The following PTGER3 variants were observed in gnomAD, a reference collection of about 807,000 sequenced individuals.
The protein encoded by PTGER3 is prostaglandin E receptor 3, also known as prostaglandin E2 receptor EP3 subtype.
Under a neutral mutation model 34.7 loss-of-function variants are expected in PTGER3, and 22 were observed. The observed-to-expected ratio is 0.63, with a 90% CI of 0.45 to 0.91. The LOEUF is 0.91. Among genes scored for constraint, PTGER3 ranks in the 40% least tolerant of loss-of-function variants. The pLI is 0.00. For missense variants in PTGER3, 468 were observed against 519.4 expected (o/e 0.90, Z 0.96); for synonymous variants, 241 against 230.1 (o/e 1.05, Z -0.43).
At position 70,875,101 on chromosome 1, in the gene PTGER3, G is replaced by T. The variant is rs551651413; in HGVS notation, c.*24-22242C>A. Among the ~76,000 whole-genome samples, 165 of 152,172 alleles carry T rather than the reference G, an allele frequency of 1.1e-3. 1 individual carries two copies. The highest frequency in any genetic ancestry group is 3.8e-3 in the African/African-American group (158 of 41,524). ...TTTTAAACCTCATTCCAATAATTTG[G>T]CCTAAGATGTTGGCACAGAAATACT... On this transcript the variant is annotated intron_variant, in intron 4 of 4. Coordinates refer to the PTGER3 transcript ENST00000370931.
intron 4 of PTGER3, among the ~76,000 whole-genome samples, chr1:70,926,124 G>A (rs1007978810): frequency 2.6e-5 from 4 of 152,172 alleles, no homozygotes; most frequent in African/African-American, 4.8e-5. Flanking sequence ...GAGATGTTGA[G>A]CTTCTGACCC....
At chr1:71,007,534 C>T (rs924807561) in intron 2 of PTGER3, 8 of 985,196 alleles carry the variant, frequency 8.1e-6, no homozygotes, top group African/African-American at 1.7e-5. Flanking sequence ...GCTTCCAGGG[C>T]CTGGCACAAA....
intron 2 of PTGER3, among the ~76,000 whole-genome samples, chr1:70,987,659 G>A (rs1655049566): frequency 6.6e-6 from 1 of 152,152 alleles, no homozygotes. Flanking sequence ...ACTTAACACA[G>A]CTGAGAAGTG....
chr1:70,881,643 C>T (rs1337277131), intron 4 of PTGER3, among the ~76,000 whole-genome samples: 1 of 152,048 alleles, frequency 6.6e-6, no homozygotes, highest in Non-Finnish European at 1.5e-5. Context: ...TTGTGATTCT[C>T]AGTGGGATTA....
At chr1:70,955,661 G>A (rs1044769864) in intron 2 of PTGER3, among the ~76,000 whole-genome samples, 2 of 152,032 alleles carry the variant, frequency 1.3e-5, no homozygotes, top group Non-Finnish European at 2.9e-5. Flanking sequence ...TCCTGCCCTT[G>A]TCCTCTTTCC....
At chr1:70,858,540 G>T (rs1188414467) in intron 4 of PTGER3, among the ~76,000 whole-genome samples, 2 of 152,122 alleles carry the variant, frequency 1.3e-5, no homozygotes, top group African/African-American at 4.8e-5. Context: ...ATGGAATTAG[G>T]AAACTGATAT....
intron 4 of PTGER3, among the ~76,000 whole-genome samples, chr1:70,928,283 T>C (rs1648324096): frequency 6.6e-6 from 1 of 150,888 alleles, no homozygotes; most frequent in Admixed American, 6.6e-5. Context: ...TTATAAATCA[T>C]GTTAATGAGG....
Position 71,047,241 on chromosome 1 carries a change from C to T in PTGER3, c.337G>A (p.Val113Met), listed in dbSNP as rs1459721904. The T allele has an allele frequency of 6.3e-7, 1 of 1,594,552 alleles. No homozygotes were observed. ...TCCCAACGCTGCTTGGACAGGTACA[C>T]GACGATGACGACCGGGGTGGTGAGA... ...QLLTTPVVIV[V>M]YLSKQRWEHI... Residue 113 changes from valine (V) to methionine (M), a missense_variant, in exon 1 of 4, where the codon GTG becomes ATG. Physicochemically the swap from Val to Met is conservative, Grantham distance 21. Around this residue, in one of 5 missense-constraint regions of PTGER3, gnomAD observed 53 missense variants for 93.9 expected, o/e 0.56. Coordinates refer to ENST00000306666, the MANE Select transcript of PTGER3 (RefSeq NM_198719.2).
rs538408687 is a variant in PTGER3, at chr1:71,025,933, C to T, written c.898-13449G>A. ...TCTTAATGTTAAAGCGAAAGCAATG[C>T]TATTGTGTGATACTTTCAGCTCCTC... On this transcript the variant is annotated intron_variant, in intron 1 of 3. Transcript: ENST00000306666. Among the ~76,000 whole-genome samples, 9 of 152,296 alleles carry T rather than the reference C, an allele frequency of 5.9e-5. No individual in the cohort carries two copies. The South Asian group carries it at 1.7e-3, about 28-fold the overall frequency.
rs752772704 is a variant in PTGER3, at chr1:70,888,890, G to A, written c.*24-36031C>T. 8.2e-4 allele frequency among the ~76,000 whole-genome samples: 125 copies of A among 152,070 alleles called. 1 individual carries two copies. Among genetic ancestry groups the A allele is most frequent in the Admixed American group, 2.6e-4 (4 of 15,260 alleles). On this transcript the variant is annotated intron_variant, in intron 4 of 4. Transcript: ENST00000370931. Reference sequence around the variant, plus strand: ...TCCCTCTCCTCTGCCTGGCACCCTCGTGGTATGAATAATGTGCATAACAAT... The same window carrying A: ...TCCCTCTCCTCTGCCTGGCACCCTCATGGTATGAATAATGTGCATAACAAT...
In PTGER3 at chr1:71,012,568, T is replaced by C. The variant is rs1657542733; in HGVS notation, c.898-84A>G. The C allele has an allele frequency of 2.4e-6, 3 of 1,237,552 alleles. No homozygotes were observed. The Admixed American group carries it at 6.6e-5, about 27-fold the overall frequency. 76.7% of individuals were successfully genotyped at this position (1,237,552 alleles called of 1,614,324 possible). Reference sequence around the variant, plus strand: ...TACACTGTACTTTGCACATAGTTGGTTTTCAATAAATTGGTTGTTGGATTG... The same window carrying C: ...TACACTGTACTTTGCACATAGTTGGCTTTCAATAAATTGGTTGTTGGATTG... On this transcript the variant is annotated intron_variant, in intron 1 of 3. Transcript: ENST00000306666.
At chr1:70,936,938 G>C (rs1649284087) in intron 4 of PTGER3, among the ~76,000 whole-genome samples, 1 of 152,112 alleles carries the variant, frequency 6.6e-6, no homozygotes, top group Admixed American at 6.5e-5. Flanking sequence ...TTGACAACTG[G>C]CTGAAAGCAA....
At chr1:70,869,292 A>C (rs185609228) in intron 4 of PTGER3, 4 of 471,402 alleles carry the variant, frequency 8.5e-6, no homozygotes, top group Middle Eastern at 3.3e-4. Flanking sequence ...CATGCATGAC[A>C]AAAACACCTT....
At chr1:70,929,117 A>G (rs987758383) in intron 4 of PTGER3, among the ~76,000 whole-genome samples, 4 of 152,320 alleles carry the variant, frequency 2.6e-5, no homozygotes, top group Middle Eastern at 3.4e-3. Flanking sequence ...CATAGAAAAC[A>G]TATGACTTCT....
chr1:71,011,101 T>C (rs770461464), intron 2 of PTGER3: 189 of 985,744 alleles, frequency 1.9e-4, no homozygotes, highest in African/African-American at 9.8e-4. Context: ...TTTTAAGAAG[T>C]GCAATTCCCA....
At chr1:71,031,479 G>A (rs1659412037) in intron 1 of PTGER3, among the ~76,000 whole-genome samples, 1 of 152,142 alleles carries the variant, frequency 6.6e-6, no homozygotes, top group South Asian at 2.1e-4. Flanking sequence ...AAGTGCTGGA[G>A]GTGCCTGAGC....
At chr1:70,994,760 C>T (rs577302402) in intron 2 of PTGER3, among the ~76,000 whole-genome samples, 4 of 152,122 alleles carry the variant, frequency 2.6e-5, no homozygotes, top group Admixed American at 1.3e-4. Context: ...CCAGCCAAAA[C>T]TTAATTTTTA....
chr1:70,883,700 T>A (rs759529660), intron 4 of PTGER3, among the ~76,000 whole-genome samples: 4 of 152,226 alleles, frequency 2.6e-5, no homozygotes, highest in Admixed American at 6.5e-5. Context: ...TATTTCTAAA[T>A]AAAAACATTT....
At chr1:70,867,540 G>A (rs1188374363) in intron 4 of PTGER3, among the ~76,000 whole-genome samples, 1 of 152,076 alleles carries the variant, frequency 6.6e-6, no homozygotes, top group Non-Finnish European at 1.5e-5. Context: ...GGCCAACATG[G>A]TGAAGCCCCA....
Sources: gnomAD v4.1 joint callset for allele counts (sites outside exome capture counted in the v4.1 genomes callset) on GRCh38, gnomAD v4.1.1 for gene constraint, gnomAD v4.1.1 regional missense constraint, MANE v1.5 for transcripts, NCBI Gene and HGNC (gene_info 2026-07-23, HGNC 2026-07-21) for gene names.